RBFOX1: variants seen among roughly 807,000 people sequenced by gnomAD.
RBFOX1 encodes RNA binding fox-1 homolog 1, also known as RNA binding protein fox-1 homolog 1.
Under a neutral mutation model 57.7 loss-of-function variants are expected in RBFOX1, and 8 were observed. The observed-to-expected ratio is 0.14, with a 90% confidence interval of 0.08 to 0.25. The LOEUF is 0.25. Ranked by LOEUF, RBFOX1 falls within the 10% of genes least tolerant of loss-of-function variation. The pLI, the probability that RBFOX1 is intolerant of heterozygous loss-of-function variation, is 1.00. For synonymous variants in RBFOX1, 326 were observed against 222.4 expected, an observed-to-expected ratio of 1.47 and a Z score of -4.15; for missense variants, 611 against 548.5, an observed-to-expected ratio of 1.11 and a Z score of -1.14.
At chr16:6,471,214 C>A (rs1428408555) in intron 2 of RBFOX1, among the ~76,000 whole-genome samples, 1 of 152,180 alleles carries the variant, frequency 6.6e-6, no homozygotes, top group Non-Finnish European at 1.5e-5. Context: ...ATGCCTTTCT[C>A]CCCTGACTAT....
chr16:5,945,077 T>C (rs945700751), intron 4 of RBFOX1, among the ~76,000 whole-genome samples: 1 of 151,074 alleles, frequency 6.6e-6, no homozygotes. Flanking sequence ...TCTATGTAGG[T>C]TTAAGGGCTG....
At chr16:7,609,979 G>T (rs529357868) in intron 10 of RBFOX1, among the ~76,000 whole-genome samples, 1 of 151,576 alleles carries the variant, frequency 6.6e-6, no homozygotes, top group Non-Finnish European at 1.5e-5. Context: ...CACCATGCCC[G>T]GCTAATTTTT....
chr16:7,085,065 G>T (rs2059782269), intron 4 of RBFOX1, among the ~76,000 whole-genome samples: 1 of 151,904 alleles, frequency 6.6e-6, no homozygotes, highest in African/African-American at 2.4e-5. Context: ...GTATTATATT[G>T]TAAAAGTTCT....
chr16:5,532,119 G>C (rs1314069860), intron 2 of RBFOX1, among the ~76,000 whole-genome samples: 1 of 152,028 alleles, frequency 6.6e-6, no homozygotes, highest in Non-Finnish European at 1.5e-5. Context: ...TCTTGATCAG[G>C]GCTTCCCAAC....
At chr16:5,804,394 G>A (rs1219606959) in intron 3 of RBFOX1, among the ~76,000 whole-genome samples, 1 of 152,192 alleles carries the variant, frequency 6.6e-6, no homozygotes, top group Non-Finnish European at 1.5e-5. Context: ...GTTTTTGTCT[G>A]TAATCCAGAA....
At chr16:6,860,579 C>G (rs140049608) in intron 3 of RBFOX1, among the ~76,000 whole-genome samples, 279 of 152,222 alleles carry the variant, frequency 1.8e-3, no homozygotes, top group African/African-American at 6.5e-3. Context: ...ATGAAGGAGA[C>G]ACATAGAAGA....
chr16:6,130,253 A>G (rs1017389321), intron 1 of RBFOX1, among the ~76,000 whole-genome samples: 1 of 152,170 alleles, frequency 6.6e-6, no homozygotes, highest in Non-Finnish European at 1.5e-5. Flanking sequence ...ACTACTGTGC[A>G]AATGTATGAT....
intron 1 of RBFOX1, among the ~76,000 whole-genome samples, chr16:5,348,703 T>A (rs970399784): frequency 6.6e-6 from 1 of 152,238 alleles, no homozygotes; most frequent in Admixed American, 6.5e-5. Context: ...GTGTACTCTC[T>A]GAATGTTGGT....
intron 1 of RBFOX1, among the ~76,000 whole-genome samples, chr16:5,369,644 C>T (rs540598124): frequency 2.1e-4 from 32 of 152,200 alleles, no homozygotes; most frequent in Non-Finnish European, 4.4e-4. Flanking sequence ...GGCAAACTTG[C>T]TTCTGGGCTA....
At chr16:6,459,483 A>G (rs980749846) in intron 2 of RBFOX1, among the ~76,000 whole-genome samples, 2 of 152,234 alleles carry the variant, frequency 1.3e-5, no homozygotes, top group African/African-American at 4.8e-5. Context: ...ACTATTTGAA[A>G]TGGAAGACAC....
rs182124950 is a variant in RBFOX1 at position 5,769,969 on chromosome 16, A to T, written c.319-97334A>T. On this transcript the variant is annotated intron_variant, in intron 3 of 19. Transcript: ENST00000641259. Reference sequence around the variant, plus strand: ...CTCTCAGTATAGGTATGTGCTAGAGACTTGTACTCCTCTGGCTAAGGGAGA... The same window carrying T: ...CTCTCAGTATAGGTATGTGCTAGAGTCTTGTACTCCTCTGGCTAAGGGAGA... Among the ~76,000 whole-genome samples, 55 of 152,298 alleles carry T rather than the reference A, an allele frequency of 3.6e-4. 1 individual carries two copies. Among genetic ancestry groups the T allele is most frequent in the Non-Finnish European group, 5.6e-4 (38 of 68,024 alleles).
chr16:7,376,580 C>G (rs1003113996), intron 4 of RBFOX1, among the ~76,000 whole-genome samples: 1 of 152,142 alleles, frequency 6.6e-6, no homozygotes, highest in African/African-American at 2.4e-5. Context: ...AGACCTCCAG[C>G]TAACTACCAG....
At chr16:6,529,475 C>A (rs1347843839) in intron 2 of RBFOX1, among the ~76,000 whole-genome samples, 1 of 152,016 alleles carries the variant, frequency 6.6e-6, no homozygotes, top group Non-Finnish European at 1.5e-5. Flanking sequence ...AGGAAAATCG[C>A]TTGAACCTAG....
chr16:7,445,371 C>T (rs569262158), intron 4 of RBFOX1, among the ~76,000 whole-genome samples: 3 of 152,148 alleles, frequency 2.0e-5, no homozygotes, highest in African/African-American at 4.8e-5. Context: ...CCATGGGTCT[C>T]CAGTACCCTT....
At chr16:7,683,957 C>A (rs745376076) in intron 14 of RBFOX1, among the ~76,000 whole-genome samples, 9 of 152,112 alleles carry the variant, frequency 5.9e-5, no homozygotes, top group Non-Finnish European at 2.9e-5. Context: ...CACTTTGTTA[C>A]GTTGTTCTTT....
chr16:6,718,772 C>T (rs1342320837), intron 3 of RBFOX1, among the ~76,000 whole-genome samples: 1 of 152,190 alleles, frequency 6.6e-6, no homozygotes, highest in African/African-American at 2.4e-5. Context: ...ATGAGTTAAA[C>T]TCACAACTAG....
chr16:5,312,404 TG>T (rs1251993917), intron 1 of RBFOX1, among the ~76,000 whole-genome samples: 1 of 152,210 alleles, frequency 6.6e-6, no homozygotes, highest in Non-Finnish European at 1.5e-5. Flanking sequence ...CTGCCACCTC[TG>T]CTGCCCGGGT....
chr16:6,608,440 C>T (rs1033227106), intron 2 of RBFOX1, among the ~76,000 whole-genome samples: 5 of 152,104 alleles, frequency 3.3e-5, no homozygotes, highest in African/African-American at 1.2e-4. Flanking sequence ...CAGTTTTCAC[C>T]CTTATTCGTT....
At chr16:7,220,766 C>G (rs1283628551) in intron 4 of RBFOX1, among the ~76,000 whole-genome samples, 1 of 152,102 alleles carries the variant, frequency 6.6e-6, no homozygotes. Context: ...CACATCTGAC[C>G]TATCAGGGCT....
Sources: allele counts gnomAD v4.1 joint callset (sites outside exome capture counted in the v4.1 genomes callset), GRCh38; gene constraint gnomAD v4.1.1; transcripts MANE v1.5; gene names NCBI Gene and HGNC (gene_info 2026-07-23, HGNC 2026-07-21).